SIL1: variants seen among roughly 807,000 people sequenced by gnomAD.
SIL1 encodes SIL1 nucleotide exchange factor.
A neutral mutation model predicts 49.1 loss-of-function variants in SIL1; 40 were observed. The observed-to-expected ratio is 0.81, with a 90% CI of 0.63 to 1.06. The LOEUF (loss-of-function observed/expected upper bound fraction) is 1.06, where lower values mean the gene tolerates loss of function less well. Among genes scored for constraint, SIL1 ranks in the 50% least tolerant of loss-of-function variants. The probability of loss-of-function intolerance (pLI) is 0.00; values close to 1 mark genes in which losing one functional copy is unlikely to be tolerated. For missense variants in SIL1, 500 were observed against 572.6 expected (o/e 0.87, Z 1.29); for synonymous variants, 253 against 250.8 (o/e 1.01, Z -0.08).
intron 3 of SIL1, among the ~76,000 whole-genome samples, chr5:139,112,043 C>T (rs1464670849): frequency 2.6e-5 from 4 of 152,234 alleles, no homozygotes; most frequent in African/African-American, 9.6e-5. Context: ...GACGGGGTTT[C>T]GCTGTGTTGG....
intron 7 of SIL1, among the ~76,000 whole-genome samples, chr5:138,990,226 C>T (rs1767728049): frequency 6.6e-6 from 1 of 152,194 alleles, no homozygotes; most frequent in Non-Finnish European, 1.5e-5. Flanking sequence ...TGGAAAGACA[C>T]TTGCTCAGAG....
chr5:138,971,085 C>T (rs948287225), intron 7 of SIL1, among the ~76,000 whole-genome samples: 1 of 152,118 alleles, frequency 6.6e-6, no homozygotes, highest in African/African-American at 2.4e-5. Context: ...GATTAACAGC[C>T]TCACCACACC....
intron 7 of SIL1, chr5:138,953,466 A>G (rs1391645582): frequency 1.3e-5 from 2 of 152,350 alleles, no homozygotes; most frequent in African/African-American, 2.4e-5. Flanking sequence ...CCAGCTTTCT[A>G]AAGAGAAAAG....
At chr5:139,016,448 G>A (rs532369223) in intron 7 of SIL1, among the ~76,000 whole-genome samples, 5 of 152,280 alleles carry the variant, frequency 3.3e-5, no homozygotes, top group South Asian at 4.1e-4. Context: ...GGTTGGATTC[G>A]AAACCACAGG....
intron 1 of SIL1, among the ~76,000 whole-genome samples, chr5:139,176,792 ATGAATT>A (rs906180622): frequency 6.6e-6 from 1 of 152,106 alleles, no homozygotes; most frequent in African/African-American, 2.4e-5. Flanking sequence ...GTTTCAACAT[ATGAATT>A]TGGAGGGGAC....
At chr5:139,172,854 G>T (rs1178244089) in intron 1 of SIL1, among the ~76,000 whole-genome samples, 4 of 152,036 alleles carry the variant, frequency 2.6e-5, no homozygotes, top group Non-Finnish European at 2.9e-5. Flanking sequence ...GTGCTGAGGG[G>T]AGTTTTTCTC....
At chr5:139,148,056 C>T (rs1751226264) in intron 1 of SIL1, among the ~76,000 whole-genome samples, 1 of 151,724 alleles carries the variant, frequency 6.6e-6, no homozygotes. Flanking sequence ...CAAATAAATA[C>T]ATTCTGAGCA....
intron 1 of SIL1, among the ~76,000 whole-genome samples, chr5:139,180,381 C>CAA (rs35534058): frequency 0.021 from 1,187 of 56,606 alleles, 44 homozygotes; most frequent in African/African-American, 0.056. Flanking sequence ...AACTCCATCT[C>CAA]AAAAAAAAAA....
chr5:139,149,617 T>C (rs577207875), intron 1 of SIL1, among the ~76,000 whole-genome samples: 1 of 152,318 alleles, frequency 6.6e-6, no homozygotes, highest in South Asian at 2.1e-4. Context: ...GAGATGACTC[T>C]GAGGCAGAAG....
intron 1 of SIL1, among the ~76,000 whole-genome samples, chr5:139,168,822 C>G (rs1478723437): frequency 6.6e-6 from 1 of 151,920 alleles, no homozygotes; most frequent in African/African-American, 2.4e-5. Flanking sequence ...ATTAAGTGGG[C>G]CTGACGGCAC....
chr5:139,075,540 C>T (rs1326264264), intron 3 of SIL1, among the ~76,000 whole-genome samples: 1 of 152,122 alleles, frequency 6.6e-6, no homozygotes, highest in African/African-American at 2.4e-5. Flanking sequence ...CTCCTGGACA[C>T]CCTACACAGT....
intron 3 of SIL1, among the ~76,000 whole-genome samples, chr5:139,097,188 G>A (rs1289289635): frequency 6.6e-6 from 1 of 151,960 alleles, no homozygotes; most frequent in Admixed American, 6.6e-5. Context: ...AGATGTCTAA[G>A]GTTTTTTACT....
Position 139,042,601 on chromosome 5 carries a change from A to G in SIL1, c.453+19T>C, listed in dbSNP as rs771964449. The G allele has an allele frequency of 3.1e-6, 5 of 1,609,418 alleles. No individual in the cohort carries two copies. The highest frequency in any genetic ancestry group is 8.5e-7 in the Non-Finnish European group (1 of 1,175,756). On this transcript the variant is annotated intron_variant, in intron 5 of 9. Transcript: ENST00000394817. ...GGCCATGCTGCAGGCTTATACTCAC[A>G]GGAAAAATAATCACACACCTTGTCT...
chr5:138,955,198 C>T (rs56729867), intron 7 of SIL1, among the ~76,000 whole-genome samples: 436 of 152,270 alleles, frequency 2.9e-3, no homozygotes, highest in African/African-American at 0.01. Flanking sequence ...ACATCAGTGG[C>T]GCTGGTGTGC....
chr5:139,031,737 G>A (rs1375872835), intron 5 of SIL1, among the ~76,000 whole-genome samples: 2 of 152,180 alleles, frequency 1.3e-5, no homozygotes, highest in Non-Finnish European at 2.9e-5. Flanking sequence ...CATGGACACA[G>A]TGTGTCACTC....
At chr5:139,165,507 C>A (rs1321052622) in intron 1 of SIL1, among the ~76,000 whole-genome samples, 1 of 152,088 alleles carries the variant, frequency 6.6e-6, no homozygotes, top group Non-Finnish European at 1.5e-5. Flanking sequence ...TGCCACCACA[C>A]CTGGCTAATT....
At chr5:139,159,583 G>A (rs1751468341) in intron 1 of SIL1, among the ~76,000 whole-genome samples, 1 of 152,124 alleles carries the variant, frequency 6.6e-6, no homozygotes, top group Non-Finnish European at 1.5e-5. Flanking sequence ...ATCACTAATT[G>A]TACCTCTTTC....
chr5:138,996,113 C>T (rs1036110844), intron 7 of SIL1, among the ~76,000 whole-genome samples: 1 of 152,222 alleles, frequency 6.6e-6, no homozygotes. Flanking sequence ...AAACTTCATA[C>T]AGTTTTCCAA....
At chr5:139,075,716 T>C (rs1769933852) in intron 3 of SIL1, among the ~76,000 whole-genome samples, 1 of 152,212 alleles carries the variant, frequency 6.6e-6, no homozygotes, top group South Asian at 2.1e-4. Context: ...TGATTCTGTG[T>C]GTCAATGCCC....
Sources: allele counts gnomAD v4.1 joint callset (sites outside exome capture counted in the v4.1 genomes callset), GRCh38; gene constraint gnomAD v4.1.1; transcripts MANE v1.5; gene names NCBI Gene and HGNC (gene_info 2026-07-23, HGNC 2026-07-21).